NFIA: variants seen among roughly 807,000 people sequenced by gnomAD.
NFIA encodes the protein nuclear factor 1 A-type.
NFIA carries 8 observed loss-of-function variants against 62.8 expected under a neutral mutation model. The observed-to-expected ratio is 0.13, with a 90% confidence interval of 0.07 to 0.23. The LOEUF (loss-of-function observed/expected upper bound fraction) is 0.23, where lower values mean the gene tolerates loss of function less well. Among genes scored for constraint, NFIA ranks in the 10% least tolerant of loss-of-function variants. The probability of loss-of-function intolerance (pLI) is 1.00; values close to 1 mark genes in which losing one functional copy is unlikely to be tolerated. For missense variants in NFIA, 410 were observed against 642.1 expected (o/e 0.64, Z 3.91); for synonymous variants, 235 against 238.1 (o/e 0.99, Z 0.12).
intron 10 of NFIA, among the ~76,000 whole-genome samples, chr1:61,451,188 C>T (rs1569914989): frequency 1.3e-5 from 2 of 152,186 alleles, no homozygotes; most frequent in South Asian, 2.1e-4. Context: ...TAAAACCTGA[C>T]TACTGTGAGT....
intron 10 of NFIA, among the ~76,000 whole-genome samples, chr1:61,445,402 A>C (rs941399341): frequency 6.6e-6 from 1 of 152,234 alleles, no homozygotes; most frequent in Non-Finnish European, 1.5e-5. Flanking sequence ...AATATTGCTT[A>C]GTTGTAAATT....
intron 2 of NFIA, among the ~76,000 whole-genome samples, chr1:61,104,218 GGTTTTGAATCACATA>G (rs1005738754): frequency 1.3e-5 from 2 of 151,948 alleles, no homozygotes; most frequent in African/African-American, 4.8e-5. Context: ...ATTTTTTGTG[GGTTTTGAATCACATA>G]GTGTCTTGCT....
intron 2 of NFIA, among the ~76,000 whole-genome samples, chr1:61,152,174 A>G (rs553991875): frequency 3.3e-5 from 5 of 152,176 alleles, no homozygotes; most frequent in African/African-American, 1.2e-4. Context: ...CCTATCAGCT[A>G]TTAGTGCCTA....
chr1:61,218,189 T>C (rs1300117934), intron 2 of NFIA, among the ~76,000 whole-genome samples: 1 of 132,418 alleles, frequency 7.6e-6, no homozygotes, highest in Non-Finnish European at 1.7e-5. Context: ...TACCACTCTG[T>C]TTTTGTAAGG....
chr1:61,361,625 A>C (rs1663294594), intron 6 of NFIA, among the ~76,000 whole-genome samples: 1 of 152,154 alleles, frequency 6.6e-6, no homozygotes, highest in Non-Finnish European at 1.5e-5. Context: ...TGATAATTAC[A>C]GAATATTTTG....
In NFIA at chr1:61,352,561, C is replaced by G; in HGVS notation, c.812C>G (p.Ser271Cys). 2 of 1,610,386 alleles carry G rather than the reference C, an allele frequency of 1.2e-6. No homozygotes were observed. Among genetic ancestry groups the G allele is most frequent in the South Asian group, 2.2e-5 (2 of 90,914 alleles). Reference sequence around the variant, plus strand: ...AGGAGGTCTTTACCCAGCACATCCTCTACGAGGTAATTTTATTGGCAGCTC... The same window carrying G: ...AGGAGGTCTTTACCCAGCACATCCTGTACGAGGTAATTTTATTGGCAGCTC... ...AMRRSLPSTSSTSSTKRLKSV... is the reference protein window; with the variant it reads ...AMRRSLPSTSCTSSTKRLKSV... Residue 271 changes from serine to cysteine, a missense_variant, in exon 5 of 11, where the codon TCT (serine) becomes TGT (cysteine). Transcript: ENST00000403491.
intron 3 of NFIA, among the ~76,000 whole-genome samples, chr1:61,299,345 G>C (rs1036378157): frequency 5.9e-5 from 9 of 152,126 alleles, no homozygotes; most frequent in Non-Finnish European, 1.0e-4. Flanking sequence ...TTGAAATCTT[G>C]ATCTGGGTCT....
chr1:61,290,896 A>G (rs1658838879), intron 3 of NFIA, among the ~76,000 whole-genome samples: 2 of 152,164 alleles, frequency 1.3e-5, no homozygotes, highest in African/African-American at 4.8e-5. Context: ...TATGCTTGTG[A>G]ACTCATGGGT....
At chr1:61,210,096 A>C (rs1316761903) in intron 2 of NFIA, among the ~76,000 whole-genome samples, 1 of 152,208 alleles carries the variant, frequency 6.6e-6, no homozygotes, top group African/African-American at 2.4e-5. Context: ...AACTGATGGT[A>C]GCCAGGCAAA....
chr1:61,416,063 T>C (rs148101039), intron 9 of NFIA, among the ~76,000 whole-genome samples: 3 of 152,178 alleles, frequency 2.0e-5, no homozygotes, highest in African/African-American at 7.2e-5. Context: ...CTAAGAAATA[T>C]GTATGGAATG....
chr1:61,309,014 A>T (rs1455998919), intron 3 of NFIA, among the ~76,000 whole-genome samples: 1 of 152,160 alleles, frequency 6.6e-6, no homozygotes, highest in Non-Finnish European at 1.5e-5. Flanking sequence ...CTAAGATCTC[A>T]ATCCGTTTTC....
intron 2 of NFIA, among the ~76,000 whole-genome samples, chr1:61,178,187 A>G (rs147747366): frequency 9.1e-4 from 139 of 152,312 alleles, no homozygotes; most frequent in African/African-American, 3.2e-3. Flanking sequence ...AGTATTACCC[A>G]TAACTTTTAG....
intron 9 of NFIA, among the ~76,000 whole-genome samples, chr1:61,425,685 T>A (rs1195820531): frequency 6.6e-6 from 1 of 152,094 alleles, no homozygotes; most frequent in Non-Finnish European, 1.5e-5. Flanking sequence ...CCCATTAAAG[T>A]AGAAAGAAGC....
intron 10 of NFIA, among the ~76,000 whole-genome samples, chr1:61,453,223 A>T (rs1202173636): frequency 6.6e-6 from 1 of 152,078 alleles, no homozygotes; most frequent in African/African-American, 2.4e-5. Context: ...GGAGGAGAGC[A>T]GAGGGTTTCT....
At chr1:61,174,060 T>C (rs1264198335) in intron 2 of NFIA, among the ~76,000 whole-genome samples, 1 of 152,204 alleles carries the variant, frequency 6.6e-6, no homozygotes, top group East Asian at 1.9e-4. Flanking sequence ...TGGATTTGAC[T>C]GTTTTCTCCA....
At chr1:61,131,050 C>G (rs1647063439) in intron 2 of NFIA, among the ~76,000 whole-genome samples, 1 of 151,836 alleles carries the variant, frequency 6.6e-6, no homozygotes, top group African/African-American at 2.4e-5. Context: ...CCAATATGAA[C>G]TCTAATTGCA....
chr1:61,402,787 T>G (rs374735643), intron 7 of NFIA, among the ~76,000 whole-genome samples: 34 of 152,180 alleles, frequency 2.2e-4, no homozygotes, highest in African/African-American at 6.8e-4. Flanking sequence ...ATTGGAAAGT[T>G]GCTTCCCCTC....
chr1:61,438,998 GACACACACACACAC>G (rs3076170), intron 10 of NFIA, among the ~76,000 whole-genome samples: 17 of 141,876 alleles, frequency 1.2e-4, no homozygotes, highest in African/African-American at 3.2e-4. Flanking sequence ...CATGCATGCA[GACACACACACACAC>G]ACACACACAC....
intron 2 of NFIA, among the ~76,000 whole-genome samples, chr1:61,156,875 T>A (rs1648853463): frequency 6.6e-6 from 1 of 152,260 alleles, no homozygotes; most frequent in Non-Finnish European, 1.5e-5. Context: ...GCATGGCAAC[T>A]CACATAGTAA....
Sources: gnomAD v4.1 joint callset for allele counts (sites outside exome capture counted in the v4.1 genomes callset) on GRCh38, gnomAD v4.1.1 for gene constraint, MANE v1.5 for transcripts, NCBI Gene and HGNC (gene_info 2026-07-23, HGNC 2026-07-21) for gene names.